ADGRB3: variants seen among roughly 807,000 people sequenced by gnomAD.
ADGRB3 encodes the protein adhesion G protein-coupled receptor B3.
ADGRB3 carries 37 observed loss-of-function variants against 193.4 expected under a neutral mutation model. The ratio of observed to expected loss-of-function variants is 0.19; its 90% confidence interval spans 0.15 to 0.25. The LOEUF (loss-of-function observed/expected upper bound fraction) is 0.25. Among genes scored for constraint, ADGRB3 ranks in the 10% least tolerant of loss-of-function variants. The pLI, the probability that ADGRB3 is intolerant of heterozygous loss-of-function variation, is 1.00. For synonymous variants in ADGRB3, 690 were observed against 644.2 expected, an observed-to-expected ratio of 1.07 and a Z score of -1.08; for missense variants, 1,637 against 1,852.9, an observed-to-expected ratio of 0.88 and a Z score of 2.14.
At chr6:68,884,533 A>G (rs1479629191) in intron 3 of ADGRB3, among the ~76,000 whole-genome samples, 1 of 152,198 alleles carries the variant, frequency 6.6e-6, no homozygotes, top group Non-Finnish European at 1.5e-5. Flanking sequence ...GAAAAAGTTA[A>G]CAGAAAACCC....
intron 20 of ADGRB3, among the ~76,000 whole-genome samples, chr6:69,285,283 T>A (rs989734872): frequency 6.6e-6 from 1 of 152,142 alleles, no homozygotes; most frequent in African/African-American, 2.4e-5. Context: ...TGTAGTCTAG[T>A]CTCCCTTACC....
Position 68,844,732 on chromosome 6 carries a change from A to T in ADGRB3, c.758-85827A>T, listed in dbSNP as rs539666604. ...AGCAACCTATGTGTCCCATCAGCAG[A>T]CAAAAATGGATAAAGAAAATTTGGT... On this transcript the variant is annotated intron_variant, in intron 3 of 31. Transcript: ENST00000370598. Among the ~76,000 whole-genome samples the T allele has an allele frequency of 5.3e-4, 80 of 152,294 alleles. 1 individual carries two copies. Among genetic ancestry groups the T allele is most frequent in the African/African-American group, 1.8e-3 (76 of 41,576 alleles).
At chr6:69,149,580 C>T (rs1774607851) in intron 17 of ADGRB3, among the ~76,000 whole-genome samples, 1 of 152,014 alleles carries the variant, frequency 6.6e-6, no homozygotes, top group Non-Finnish European at 1.5e-5. Context: ...TCGTGCTTTA[C>T]TGGATGGTCT....
In ADGRB3 at chr6:68,745,630, TTA is replaced by T. The variant is rs1273425503; in HGVS notation, c.757+106208_757+106209del. On this transcript the variant is annotated intron_variant, in intron 3 of 31. Coordinates refer to ENST00000370598, the MANE Select transcript of ADGRB3 (RefSeq NM_001704.3). ...TGTTCTCCCTTCTGATCTTCATGAA[TTA>T]TATATATATGTCATATATGTAATCT... Among the ~76,000 whole-genome samples, 5 of 152,034 alleles carry T rather than the reference TTA, an allele frequency of 3.3e-5. No individual in the cohort carries two copies. In the East Asian group the frequency reaches 5.8e-4, roughly 18 times the overall value.
intron 3 of ADGRB3, among the ~76,000 whole-genome samples, chr6:68,649,491 T>C (rs1187324336): frequency 2.0e-5 from 3 of 152,164 alleles, no homozygotes; most frequent in Non-Finnish European, 4.4e-5. Flanking sequence ...TGTCTACAAA[T>C]TAAAGCTTTC....
At chr6:69,166,884 C>T (rs188955520) in intron 17 of ADGRB3, among the ~76,000 whole-genome samples, 1 of 152,100 alleles carries the variant, frequency 6.6e-6, no homozygotes, top group African/African-American at 2.4e-5. Context: ...CCCTAGCTTT[C>T]TCTTTTCTAT....
At chr6:68,926,613 A>G (rs1166226732) in intron 3 of ADGRB3, among the ~76,000 whole-genome samples, 1 of 152,190 alleles carries the variant, frequency 6.6e-6, no homozygotes, top group Middle Eastern at 3.2e-3. Context: ...CACGTAAACA[A>G]AAGATAACTA....
intron 3 of ADGRB3, among the ~76,000 whole-genome samples, chr6:68,877,651 G>A (rs1765629120): frequency 6.6e-6 from 1 of 152,040 alleles, no homozygotes; most frequent in Non-Finnish European, 1.5e-5. Context: ...CTTTTCTAAA[G>A]TATTGAAAAC....
chr6:68,846,230 T>G (rs1180560459), intron 3 of ADGRB3, among the ~76,000 whole-genome samples: 2 of 152,202 alleles, frequency 1.3e-5, no homozygotes, highest in Non-Finnish European at 2.9e-5. Flanking sequence ...ACTTGGGTAC[T>G]GTTAAATGCA....
At chr6:68,694,862 C>A (rs926720058) in intron 3 of ADGRB3, among the ~76,000 whole-genome samples, 1 of 152,032 alleles carries the variant, frequency 6.6e-6, no homozygotes, top group Non-Finnish European at 1.5e-5. Flanking sequence ...TTCTCCCAAG[C>A]ATTGTGGTTA....
intron 17 of ADGRB3, among the ~76,000 whole-genome samples, chr6:69,077,101 A>C (rs1458141392): frequency 1.3e-5 from 2 of 151,988 alleles, no homozygotes; most frequent in Non-Finnish European, 2.9e-5. Flanking sequence ...CTTTACTACT[A>C]GTCCAGTACA....
At chr6:68,850,021 T>A (rs754529012) in intron 3 of ADGRB3, among the ~76,000 whole-genome samples, 1 of 151,982 alleles carries the variant, frequency 6.6e-6, no homozygotes, top group Non-Finnish European at 1.5e-5. Flanking sequence ...AAAATATGTG[T>A]AATAGTGGTA....
intron 3 of ADGRB3, among the ~76,000 whole-genome samples, chr6:68,882,332 T>C (rs566758215): frequency 5.9e-5 from 9 of 152,304 alleles, no homozygotes; most frequent in Admixed American, 1.3e-4. Context: ...AAATAATAAG[T>C]ATTATACTTT....
At chr6:68,897,908 A>G (rs1024608747) in intron 3 of ADGRB3, among the ~76,000 whole-genome samples, 1 of 148,714 alleles carries the variant, frequency 6.7e-6, no homozygotes, top group Admixed American at 6.7e-5. Context: ...AGGAAAACAC[A>G]TTATTATTAG....
chr6:68,757,992 T>A (rs2127349856), intron 3 of ADGRB3, among the ~76,000 whole-genome samples: 1 of 152,190 alleles, frequency 6.6e-6, no homozygotes, highest in South Asian at 2.1e-4. Context: ...GTGTGTCCCT[T>A]CCCTGTCGCT....
intron 3 of ADGRB3, among the ~76,000 whole-genome samples, chr6:68,681,478 C>T (rs559838959): frequency 2.0e-5 from 3 of 152,080 alleles, no homozygotes; most frequent in East Asian, 1.9e-4. Context: ...TGGGGTCTCG[C>T]GATGTTGCTC....
intron 3 of ADGRB3, among the ~76,000 whole-genome samples, chr6:68,645,857 A>C (rs962693855): frequency 1.3e-5 from 2 of 151,866 alleles, no homozygotes. Context: ...TATTTTTAGT[A>C]GAAACGGGGT....
chr6:69,087,749 C>A (rs1772591983), intron 17 of ADGRB3, among the ~76,000 whole-genome samples: 1 of 152,166 alleles, frequency 6.6e-6, no homozygotes, highest in Non-Finnish European at 1.5e-5. Flanking sequence ...TGGAAAATAT[C>A]TTAGACAACT....
intron 29 of ADGRB3, among the ~76,000 whole-genome samples, chr6:69,361,973 A>T (rs963253904): frequency 7.9e-5 from 12 of 151,910 alleles, no homozygotes; most frequent in African/African-American, 2.9e-4. Flanking sequence ...AAATTACAAA[A>T]TTGGAATATT....
Sources: gnomAD v4.1 joint callset for allele counts (sites outside exome capture counted in the v4.1 genomes callset) on GRCh38, gnomAD v4.1.1 for gene constraint, MANE v1.5 for transcripts, NCBI Gene and HGNC (gene_info 2026-07-23, HGNC 2026-07-21) for gene names.